OPA3: variants seen among roughly 807,000 people sequenced by gnomAD.
The protein encoded by OPA3 is outer mitochondrial membrane lipid metabolism regulator OPA3.
Under a neutral mutation model 4.0 loss-of-function variants are expected in OPA3, and 6 were observed. That is an observed-to-expected ratio of 1.51 (90% CI 0.83 to 2.99). OPA3 has a LOEUF of 2.99. Ranked by LOEUF, OPA3 falls within the 30% of genes most tolerant of loss-of-function variation. The pLI, the probability that OPA3 is intolerant of heterozygous loss-of-function variation, is 0.00. For missense variants in OPA3, 235 were observed against 256.2 expected (o/e 0.92, Z 0.56); for synonymous variants, 105 against 117.1 (o/e 0.90, Z 0.67).
At chr19:45,561,056 G>T (rs1404220581) in intron 1 of OPA3, among the ~76,000 whole-genome samples, 1 of 152,124 alleles carries the variant, frequency 6.6e-6, no homozygotes, top group African/African-American at 2.4e-5. Flanking sequence ...AGGACAGGCC[G>T]GGCGCGGTGG....
In OPA3 at chr19:45,550,818, G is replaced by C. The variant is rs148705681; in HGVS notation, c.*2696C>G. 0.011 allele frequency: 10,756 copies of C among 986,064 alleles called. 79 individuals are homozygous for C. The highest frequency in any genetic ancestry group is 0.012 in the Non-Finnish European group (10,202 of 830,108). 61.1% of individuals were successfully genotyped at this position (986,064 alleles called of 1,614,324 possible). ...CTAATGAGAGAGCTACAGTCGGAAG[G>C]ACAGACTGCAGGCTACTGGGACCCA... On this transcript the variant is annotated 3_prime_UTR_variant, in exon 2 of 2. Coordinates refer to ENST00000263275, the MANE Select transcript of OPA3 (RefSeq NM_025136.4).
At chr19:45,556,925 T>C (rs905450049) in intron 1 of OPA3, among the ~76,000 whole-genome samples, 2 of 152,192 alleles carry the variant, frequency 1.3e-5, no homozygotes, top group African/African-American at 4.8e-5. Context: ...ACCTGCTGCC[T>C]GAGCAATGAC....
At position 45,530,927 on chromosome 19, in the gene OPA3, CTTTTTTTTTTTTTTTTTTTTTT is replaced by C. The variant is rs71173176; in HGVS notation, c.143-1493_143-1472del. Among the ~76,000 whole-genome samples the C allele has an allele frequency of 7.6e-4, 27 of 35,454 alleles. No individual in the cohort carries two copies. The South Asian group carries it at 0.015, about 20-fold the overall frequency. 23.3% of individuals were successfully genotyped at this position (35,454 alleles called of 152,430 possible). On this transcript the variant is annotated intron_variant, in intron 1 of 1. Coordinates refer to the OPA3 transcript ENST00000323060. Reference sequence around the variant, plus strand: ...ATGGCGTGTGCCACCATGTCACCTACTTTTTTTTTTTTTTTTTTTTTTTTTTTTTTTTTTTGCATTTTAGTAG... The same window carrying C: ...ATGGCGTGTGCCACCATGTCACCTACTTTTTTTTTTTTTGCATTTTAGTAG...
At chr19:45,529,755 G>T (rs1202480350) in intron 1 of OPA3, among the ~76,000 whole-genome samples, 1 of 152,044 alleles carries the variant, frequency 6.6e-6, no homozygotes, top group Non-Finnish European at 1.5e-5. Flanking sequence ...TTTTGAGCCA[G>T]GGTTTCGCTC....
chr19:45,553,998 C>T (rs562767155), intron 1 of OPA3, 87 bp from the exon 2 acceptor site: 2 of 1,110,942 alleles, frequency 1.8e-6, no homozygotes, highest in African/African-American at 1.6e-5. Context: ...GTCACCTAGC[C>T]TGGGTAACCC....
intron 1 of OPA3, among the ~76,000 whole-genome samples, chr19:45,565,621 C>G (rs1969571580): frequency 6.6e-6 from 1 of 152,066 alleles, no homozygotes; most frequent in Non-Finnish European, 1.5e-5. Flanking sequence ...CAGAGTGAGA[C>G]TAACTTTTGT....
chr19:45,538,420 C>T (rs1969146793), intron 1 of OPA3, among the ~76,000 whole-genome samples: 1 of 151,966 alleles, frequency 6.6e-6, no homozygotes, highest in Non-Finnish European at 1.5e-5. Flanking sequence ...GTCCCTATCT[C>T]AAGAAAAAAG....
At chr19:45,572,026 C>T (rs1291358626) in intron 1 of OPA3, among the ~76,000 whole-genome samples, 2 of 151,038 alleles carry the variant, frequency 1.3e-5, no homozygotes, top group South Asian at 2.1e-4. Flanking sequence ...GATAATTCCA[C>T]GTTTGCAGGC....
At chr19:45,582,347 A>T (rs948110451) in intron 1 of OPA3, among the ~76,000 whole-genome samples, 7 of 151,710 alleles carry the variant, frequency 4.6e-5, no homozygotes, top group Non-Finnish European at 1.0e-4. Context: ...TTTAGTAGAG[A>T]CGGGGTTTGA....
rs1568400163 is a variant in OPA3 at position 45,548,680 on chromosome 19, G to A, written c.*4834C>T. ...TTTTTTATTTTTTTTTTTTTTGCGG[G>A]AGACGCCCTACCAAGGACACTGGGT... On this transcript the variant is annotated 3_prime_UTR_variant, in exon 2 of 2. Coordinates refer to ENST00000263275, the MANE Select transcript of OPA3 (RefSeq NM_025136.4). The A allele has an allele frequency of 1.0e-6, 1 of 981,444 alleles. No individual in the cohort carries two copies. The highest frequency in any genetic ancestry group is 6.2e-5 in the Admixed American group (1 of 16,144). 60.8% of individuals were successfully genotyped at this position (981,444 alleles called of 1,614,324 possible). A position where few individuals can be genotyped will look rare whatever the true frequency, so the allele number is the denominator to read the frequency against.
At chr19:45,556,136 G>C (rs1441282388) in intron 1 of OPA3, among the ~76,000 whole-genome samples, 1 of 151,888 alleles carries the variant, frequency 6.6e-6, no homozygotes, top group African/African-American at 2.4e-5. Flanking sequence ...GCACTAGAGG[G>C]CACACAATTT....
At chr19:45,540,510 GTGACT>G (rs1969172877) in intron 1 of OPA3, among the ~76,000 whole-genome samples, 5 of 146,488 alleles carry the variant, frequency 3.4e-5, no homozygotes, top group African/African-American at 5.1e-5. Flanking sequence ...GCAGTGAGCT[GTGACT>G]GCACCACTGC....
downstream of OPA3, among the ~76,000 whole-genome samples, chr19:45,543,370 G>A (rs1008359033): frequency 6.6e-6 from 1 of 151,070 alleles, no homozygotes; most frequent in African/African-American, 2.4e-5. Context: ...GCCCAGGCTG[G>A]AGTGCAGTGA....
exon 2 of OPA3, chr19:45,528,181 T>C (rs748979866): frequency 1.3e-5 from 2 of 152,500 alleles, no homozygotes; most frequent in African/African-American, 2.4e-5. Flanking sequence ...GACTGGGGAC[T>C]GGTGACCAAG....
rs1247759281 is a variant in OPA3 at position 45,550,840 on chromosome 19, C to T, written c.*2674G>A. ...AAGGACAGACTGCAGGCTACTGGGA[C>T]CCACCCCCTCCCGCTTCAGTGGCAG... On this transcript the variant is annotated 3_prime_UTR_variant, in exon 2 of 2. Transcript: ENST00000263275. 1.0e-6 allele frequency: 1 copy of T among 986,064 alleles called. No individual in the cohort carries two copies. The highest frequency in any genetic ancestry group is 1.2e-6 in the Non-Finnish European group (1 of 830,160). The allele number at this position is 986,064 out of a possible 1,614,324, so 61.1% of individuals were successfully genotyped here. A position where few individuals can be genotyped will look rare whatever the true frequency, so the allele number is the denominator to read the frequency against.
At chr19:45,565,498 C>T (rs1423710268) in intron 1 of OPA3, among the ~76,000 whole-genome samples, 1 of 151,816 alleles carries the variant, frequency 6.6e-6, no homozygotes, top group Non-Finnish European at 1.5e-5. Flanking sequence ...GGCATGGTGG[C>T]ATGACCCTGT....
intron 1 of OPA3, among the ~76,000 whole-genome samples, chr19:45,560,566 T>C (rs1969487944): frequency 6.6e-6 from 1 of 152,166 alleles, no homozygotes; most frequent in Admixed American, 6.5e-5. Context: ...GCACTGTGCA[T>C]TGCCCCTCCT....
rs766847630 is a variant in OPA3 at position 45,553,748 on chromosome 19, C to G, written c.306G>C (p.Trp102Cys). 3 of 1,611,990 alleles carry G rather than the reference C, an allele frequency of 1.9e-6. No individual in the cohort carries two copies. ...TGTGGCGCTGCTGCGCCTGGTGGCG[C>G]CAGTACTCCAGCACTAGGCAGCCGC... Reference protein sequence around the residue: ...VGGGCLVLEYWRHQAQQRHKE... With the variant: ...VGGGCLVLEYCRHQAQQRHKE... Residue 102 changes from tryptophan to cysteine, a missense_variant, in exon 2 of 2, where the codon TGG (tryptophan) becomes TGC (cysteine). Trp to Cys is a radical substitution (Grantham distance 215, BLOSUM62 -2). Transcript: ENST00000263275.
rs1969288711 is a variant in OPA3, at chr19:45,548,745, G to GTGAA, written c.*4765_*4768dup. ...GGGACCACCTCAGTGAGTTTTTTGA[G>GTGAA]TGAAAGAATAAATAAAGGATATTTT... On this transcript the variant is annotated 3_prime_UTR_variant, in exon 2 of 2. Transcript: ENST00000263275. 1.0e-6 allele frequency: 1 copy of GTGAA among 980,270 alleles called. No individual in the cohort carries two copies. Among genetic ancestry groups the GTGAA allele is most frequent in the Admixed American group, 6.2e-5 (1 of 16,196 alleles). 60.7% of individuals were successfully genotyped at this position (980,270 alleles called of 1,614,324 possible).
Sources: gnomAD v4.1 joint callset for allele counts (sites outside exome capture counted in the v4.1 genomes callset) on GRCh38, gnomAD v4.1.1 for gene constraint, MANE v1.5 for transcripts, NCBI Gene and HGNC (gene_info 2026-07-23, HGNC 2026-07-21) for gene names.